Variants in PCCB observed in about 807,000 individuals in gnomAD.
PCCB encodes the protein propionyl-CoA carboxylase beta chain, mitochondrial.
PCCB carries 43 observed loss-of-function variants against 60.7 expected under a neutral mutation model. That is an observed-to-expected ratio of 0.71 (90% CI 0.55 to 0.91). PCCB has a LOEUF of 0.91. PCCB is among the 40% of genes least tolerant of loss of function. PCCB has a pLI of 0.00. For missense variants in PCCB, 766 were observed against 702.8 expected, an observed-to-expected ratio of 1.09 and a Z score of -1.02; for synonymous variants, 276 against 255.9, an observed-to-expected ratio of 1.08 and a Z score of -0.75.
chr3:136,273,597 C>CTTTTTTTTTTTTTTTTTTTTT, intron 5 of PCCB, among the ~76,000 whole-genome samples: 22 of 45,232 alleles, frequency 4.9e-4, no homozygotes, highest in East Asian at 5.9e-4. Context: ...TTTCTTTTTT[C>CTTTTTTTTTTTTTTTTTTTTT]TTTTTTTTTT....
chr3:136,252,287 T>A (rs1941537886), intron 1 of PCCB: 1 of 455,646 alleles, frequency 2.2e-6, no homozygotes, highest in Non-Finnish European at 4.4e-6. Flanking sequence ...GAGACAGAGT[T>A]CACTCTGTTG....
chr3:136,259,620 T>C (rs1941767486), intron 3 of PCCB, among the ~76,000 whole-genome samples: 1 of 152,270 alleles, frequency 6.6e-6, no homozygotes, highest in Non-Finnish European at 1.5e-5. Flanking sequence ...AAATCATTTT[T>C]GTAGAGCAAA....
chr3:136,326,465 A>C lies in PCCB; in HGVS notation c.1091-338A>C, dbSNP rs574062215. On this transcript the variant is annotated intron_variant, in intron 10 of 14. Transcript: ENST00000251654. ...ATCAGTGGAGCCAGAATCTGATTGG[A>C]AGCTCTGAGGACTCTCTAAGACCAG... 1.3e-5 allele frequency: 9 copies of C among 697,838 alleles called. No homozygotes were observed. The African/African-American group carries it at 1.6e-4, about 12-fold the overall frequency. The allele number at this position is 697,838 out of a possible 1,614,324, so 43.2% of individuals were successfully genotyped here.
intron 5 of PCCB, among the ~76,000 whole-genome samples, chr3:136,263,166 G>C (rs1941872835): frequency 6.6e-6 from 1 of 151,096 alleles, no homozygotes; most frequent in Non-Finnish European, 1.5e-5. Flanking sequence ...TATTAGCCAG[G>C]TTGGTCTCGA....
At chr3:136,292,587 A>G (rs1933744844) in intron 6 of PCCB, among the ~76,000 whole-genome samples, 1 of 152,238 alleles carries the variant, frequency 6.6e-6, no homozygotes, top group Admixed American at 6.5e-5. Context: ...ACTGATATGG[A>G]ATAGAATGAT....
At chr3:136,311,458 T>C (rs1934663177) in intron 9 of PCCB, among the ~76,000 whole-genome samples, 2 of 151,836 alleles carry the variant, frequency 1.3e-5, no homozygotes, top group Non-Finnish European at 2.9e-5. Flanking sequence ...CAAGCAATCC[T>C]CCCACATTGC....
intron 2 of PCCB, 129 bp from the exon 3 acceptor site, chr3:136,256,426 T>C (rs2108138001): frequency 2.8e-6 from 2 of 724,500 alleles, no homozygotes; most frequent in Middle Eastern, 2.3e-4. Flanking sequence ...GATTCCTTCA[T>C]GTTCCTTGTT....
intron 9 of PCCB, among the ~76,000 whole-genome samples, chr3:136,304,571 G>C (rs1934394382): frequency 8.4e-6 from 1 of 119,300 alleles, no homozygotes; most frequent in Admixed American, 1.0e-4. Flanking sequence ...ATTTTTAGTA[G>C]AGACGGGGTT....
At chr3:136,320,780 A>G (rs1268285274) in intron 10 of PCCB, among the ~76,000 whole-genome samples, 1 of 152,186 alleles carries the variant, frequency 6.6e-6, no homozygotes, top group Non-Finnish European at 1.5e-5. Flanking sequence ...AAATAGAGAT[A>G]GTTTTACTTC....
Position 136,301,056 on chromosome 3 carries a change from C to T in PCCB, c.911C>T (p.Thr304Ile), listed in dbSNP as rs147538201. The change falls in exon 9 of 15, where the codon ACA becomes ATA. Residue 304 changes from threonine to isoleucine, a missense_variant. Physicochemically the swap from Thr to Ile is moderately conservative, Grantham distance 89. Transcript: ENST00000251654. The stretch of plus-strand genomic sequence containing the variant: ...GACCGTCTGGTTCCTGAGCTTGACA[C>T]AATTGTCCCTTTGGAATCAACCAAA... ...PSDRLVPELD[T>I]IVPLESTKAY... 2,092 of 1,614,098 alleles carry T rather than the reference C, an allele frequency of 1.3e-3. 2 individuals are homozygous for T. The highest frequency in any genetic ancestry group is 1.6e-3 in the Non-Finnish European group (1,944 of 1,179,946).
chr3:136,300,721 C>T (rs1934236844), intron 8 of PCCB, among the ~76,000 whole-genome samples: 2 of 152,110 alleles, frequency 1.3e-5, no homozygotes, highest in African/African-American at 4.8e-5. Context: ...TCCTTCAGTG[C>T]CCTACACGGT....
chr3:136,319,490 G>A (rs966465998), intron 10 of PCCB, among the ~76,000 whole-genome samples: 9 of 151,168 alleles, frequency 6.0e-5, no homozygotes, highest in African/African-American at 1.7e-4. Flanking sequence ...TCTGTGCCCC[G>A]AGTTTCAAGC....
chr3:136,281,063 T>A (rs1378285723), intron 5 of PCCB, among the ~76,000 whole-genome samples: 3 of 152,198 alleles, frequency 2.0e-5, no homozygotes, highest in African/African-American at 7.2e-5. Flanking sequence ...CAAGTTTCTC[T>A]TATTGTGTTT....
chr3:136,282,171 G>A (rs990307649), intron 5 of PCCB, among the ~76,000 whole-genome samples: 3 of 152,148 alleles, frequency 2.0e-5, no homozygotes, highest in African/African-American at 7.2e-5. Flanking sequence ...ACATCCTCGT[G>A]GCTACCTGCC....
At chr3:136,300,192 C>T (rs964292245) in intron 8 of PCCB, among the ~76,000 whole-genome samples, 16 of 151,980 alleles carry the variant, frequency 1.1e-4, no homozygotes, top group African/African-American at 3.4e-4. Flanking sequence ...ATATGTATGA[C>T]AAGTAAAAAG....
intron 5 of PCCB, among the ~76,000 whole-genome samples, chr3:136,277,412 G>C (rs1420519913): frequency 1.3e-5 from 2 of 152,146 alleles, no homozygotes; most frequent in African/African-American, 4.8e-5. Flanking sequence ...AGTGGGATTC[G>C]AGCTTGTCCT....
In PCCB at chr3:136,294,573, G is replaced by T. The variant is rs1190536120; in HGVS notation, c.763+709G>T. On this transcript the variant is annotated intron_variant, in intron 7 of 14. Coordinates refer to ENST00000251654, the MANE Select transcript of PCCB (RefSeq NM_000532.5). ...AATCTGCCCACCTTGGCTTCCCAAAGTGCTGGGATTACAGGCATGAGCCAC... is the reference window on the plus strand; with the variant it reads ...AATCTGCCCACCTTGGCTTCCCAAATTGCTGGGATTACAGGCATGAGCCAC... Among the ~76,000 whole-genome samples the T allele has an allele frequency of 2.6e-5, 4 of 151,606 alleles. No individual in the cohort carries two copies. In the East Asian group the frequency reaches 7.8e-4, roughly 30 times the overall value.
At chr3:136,290,902 A>T (rs1347154810) in intron 6 of PCCB, among the ~76,000 whole-genome samples, 2 of 148,396 alleles carry the variant, frequency 1.3e-5, no homozygotes, top group African/African-American at 2.5e-5. Flanking sequence ...TTTTTGATCC[A>T]TTTTTTTCTC....
At chr3:136,316,428 CCTCAGTCTCCTGA>C (rs1422407397) in intron 9 of PCCB, among the ~76,000 whole-genome samples, 1 of 152,044 alleles carries the variant, frequency 6.6e-6, no homozygotes. Context: ...GATTCTCCTG[CCTCAGTCTCCTGA>C]GTAGCTGGGA....
Sources: allele counts gnomAD v4.1 joint callset (sites outside exome capture counted in the v4.1 genomes callset), GRCh38; gene constraint gnomAD v4.1.1; transcripts MANE v1.5; gene names NCBI Gene and HGNC (gene_info 2026-07-23, HGNC 2026-07-21).